TRAPPC12: variants seen among roughly 807,000 people sequenced by gnomAD.
TRAPPC12 encodes the protein trafficking protein particle complex subunit 12, also known as TPR repeat protein 15.
A neutral mutation model predicts 69.2 loss-of-function variants in TRAPPC12; 61 were observed. That is an observed-to-expected ratio of 0.88 (90% CI 0.72 to 1.09). The LOEUF is 1.09. Among genes scored for constraint, TRAPPC12 ranks in the 50% least tolerant of loss-of-function variants. The pLI is 0.00. For synonymous variants in TRAPPC12, 469 were observed against 438.9 expected (o/e 1.07, Z -0.86); for missense variants, 1,101 against 1,016.4 (o/e 1.08, Z -1.13).
chr2:3,432,065 T>C (rs1663470896), intron 5 of TRAPPC12, among the ~76,000 whole-genome samples: 1 of 152,234 alleles, frequency 6.6e-6, no homozygotes, highest in Admixed American at 6.5e-5. Flanking sequence ...TCACTTCAAG[T>C]TTCCATGCAA....
intron 6 of TRAPPC12, among the ~76,000 whole-genome samples, chr2:3,447,917 G>C (rs749528278): frequency 3.3e-5 from 5 of 152,166 alleles, no homozygotes; most frequent in Non-Finnish European, 7.3e-5. Context: ...CTAAGGATGT[G>C]TTAGTGAGAC....
chr2:3,475,694 T>C (rs953355778), intron 9 of TRAPPC12, among the ~76,000 whole-genome samples: 62 of 152,162 alleles, frequency 4.1e-4, no homozygotes, highest in African/African-American at 1.4e-3. Context: ...GGCCTTGCAG[T>C]GCGGAGGATC....
intron 9 of TRAPPC12, among the ~76,000 whole-genome samples, chr2:3,476,976 C>T (rs1237745283): frequency 1.3e-5 from 2 of 152,226 alleles, no homozygotes; most frequent in African/African-American, 4.8e-5. Flanking sequence ...TCATTTGTAT[C>T]TATTTCTTAT....
intron 1 of TRAPPC12, among the ~76,000 whole-genome samples, chr2:3,381,202 T>G (rs1024298780): frequency 3.9e-5 from 6 of 152,218 alleles, no homozygotes; most frequent in Non-Finnish European, 7.3e-5. Flanking sequence ...GCTTGATCTG[T>G]AGTGAGTGTT....
intron 6 of TRAPPC12, among the ~76,000 whole-genome samples, chr2:3,453,115 G>A (rs1444254452): frequency 6.6e-6 from 1 of 152,322 alleles, no homozygotes; most frequent in South Asian, 2.1e-4. Context: ...TGGAAAGCGT[G>A]AAGGGCCCCT....
chr2:3,465,729 G>C (rs765833952), intron 9 of TRAPPC12, 34 bp downstream of exon 9: 1 of 1,467,340 alleles, frequency 6.8e-7, no homozygotes, highest in Non-Finnish European at 9.6e-7. Context: ...AGCCAGAAAG[G>C]CCTTATGATA....
intron 6 of TRAPPC12, among the ~76,000 whole-genome samples, chr2:3,447,950 T>C (rs1196609769): frequency 6.6e-6 from 1 of 152,194 alleles, no homozygotes; most frequent in Non-Finnish European, 1.5e-5. Context: ...GGACTGCCCT[T>C]TGCTGCATTG....
Position 3,458,417 on chromosome 2 carries a change from C to T in TRAPPC12, c.1603+724C>T, listed in dbSNP as rs531987310. The T allele has an allele frequency of 4.3e-5, 42 of 985,964 alleles. No individual in the cohort carries two copies. The South Asian group carries it at 4.7e-4, about 11-fold the overall frequency. 61.1% of individuals were successfully genotyped at this position (985,964 alleles called of 1,614,324 possible). ...TCCTTCCCACAGCTTCTGTCCTACT[C>T]GATGTGCAGCCCAAGTCAAGATCGG... On this transcript the variant is annotated intron_variant, in intron 7 of 11. Coordinates refer to ENST00000324266, the MANE Select transcript of TRAPPC12 (RefSeq NM_016030.6).
intron 5 of TRAPPC12, 189 bp from the exon 6 acceptor site, chr2:3,443,590 C>G (rs1664339229): frequency 1.6e-6 from 1 of 623,262 alleles, no homozygotes; most frequent in African/African-American, 1.8e-5. Context: ...TCGAGACATA[C>G]ATACATAGAG....
rs79205805 is a variant in TRAPPC12, at chr2:3,444,451, C to G, written c.1530+560C>G. Among the ~76,000 whole-genome samples, 2,614 of 152,312 alleles carry G rather than the reference C, an allele frequency of 0.017. 109 individuals carry two copies. The East Asian group carries it at 0.17, about 10-fold the overall frequency. Reference sequence around the variant, plus strand: ...AGTGGCACGTTATTACACTAACTGACATTGGGAAGAAATGTGGGACTCAGA... The same window carrying G: ...AGTGGCACGTTATTACACTAACTGAGATTGGGAAGAAATGTGGGACTCAGA... On this transcript the variant is annotated intron_variant, in intron 6 of 11. Coordinates refer to ENST00000324266, the MANE Select transcript of TRAPPC12 (RefSeq NM_016030.6).
intron 1 of TRAPPC12, among the ~76,000 whole-genome samples, chr2:3,384,040 C>T (rs1056487964): frequency 2.0e-5 from 3 of 150,310 alleles, no homozygotes; most frequent in Middle Eastern, 3.5e-3. Flanking sequence ...GGATTACAGG[C>T]GCCCTCCACC....
At chr2:3,469,761 G>T (rs770267344) in intron 9 of TRAPPC12, among the ~76,000 whole-genome samples, 2 of 152,212 alleles carry the variant, frequency 1.3e-5, no homozygotes, top group African/African-American at 2.4e-5. Context: ...AGGAATGTAG[G>T]CCTCCTGGTT....
At chr2:3,458,558 T>C in intron 7 of TRAPPC12, 1 of 623,042 alleles carries the variant, frequency 1.6e-6, no homozygotes, top group Non-Finnish European at 2.0e-6. Flanking sequence ...GTGCATGCTG[T>C]GGCATGTGGT....
intron 3 of TRAPPC12, among the ~76,000 whole-genome samples, chr2:3,404,157 C>A (rs1002995972): frequency 6.6e-6 from 1 of 152,064 alleles, no homozygotes; most frequent in African/African-American, 2.4e-5. Flanking sequence ...ACCCAGATCG[C>A]GGTTGTGTGA....
intron 3 of TRAPPC12, among the ~76,000 whole-genome samples, chr2:3,409,430 A>C (rs1374790388): frequency 6.6e-6 from 1 of 152,128 alleles, no homozygotes; most frequent in African/African-American, 2.4e-5. Context: ...TTTTCCTTTA[A>C]TGTTTTTCTA....
chr2:3,424,747 A>T, intron 5 of TRAPPC12, 84 bp downstream of exon 5: 1 of 1,391,318 alleles, frequency 7.2e-7, no homozygotes, highest in Non-Finnish European at 9.6e-7. Context: ...TCGTAGCCTC[A>T]GTTTTCCTTA....
chr2:3,419,623 G>T (rs915236786), intron 3 of TRAPPC12, among the ~76,000 whole-genome samples: 1 of 146,274 alleles, frequency 6.8e-6, no homozygotes, highest in South Asian at 2.1e-4. Flanking sequence ...CACTGTGTAC[G>T]CTCTGGTGTC....
At chr2:3,415,951 C>T (rs1351591599) in intron 3 of TRAPPC12, among the ~76,000 whole-genome samples, 2 of 151,626 alleles carry the variant, frequency 1.3e-5, no homozygotes, top group African/African-American at 2.4e-5. Flanking sequence ...CTCCTGACCT[C>T]ATGATCCGCC....
intron 2 of TRAPPC12, 35 bp downstream of exon 2, chr2:3,388,705 C>A (rs745980832): frequency 2.0e-6 from 3 of 1,492,740 alleles, no homozygotes; most frequent in African/African-American, 1.4e-5. Flanking sequence ...CAGCCCGTGC[C>A]TCCTCTCTGC....
Sources: allele counts gnomAD v4.1 joint callset (sites outside exome capture counted in the v4.1 genomes callset), GRCh38; gene constraint gnomAD v4.1.1; transcripts MANE v1.5; gene names NCBI Gene and HGNC (gene_info 2026-07-23, HGNC 2026-07-21).